LPP: variants seen among roughly 807,000 people sequenced by gnomAD.
The protein encoded by LPP is LIM domain containing preferred translocation partner in lipoma.
In LPP, 38 loss-of-function variants were observed where a neutral mutation model predicts 60.4. The ratio of observed to expected loss-of-function variants is 0.63; its 90% CI spans 0.49 to 0.83. LPP has a LOEUF of 0.83. LPP is among the 40% of genes least tolerant of loss of function. The pLI, the probability that LPP is intolerant of heterozygous loss-of-function variation, is 0.00. For synonymous variants in LPP, 328 were observed against 290.8 expected (o/e 1.13, Z -1.30); for missense variants, 902 against 783.6 (o/e 1.15, Z -1.80).
At chr3:188,720,871 A>C (rs1304785307) in intron 8 of LPP, among the ~76,000 whole-genome samples, 1 of 152,200 alleles carries the variant, frequency 6.6e-6, no homozygotes, top group Non-Finnish European at 1.5e-5. Context: ...GAGCAAACAG[A>C]AACAGTGTAC....
intron 7 of LPP, among the ~76,000 whole-genome samples, chr3:188,695,521 T>A (rs1045440118): frequency 6.6e-6 from 1 of 152,226 alleles, no homozygotes; most frequent in African/African-American, 2.4e-5. Flanking sequence ...CACTGTCAAA[T>A]ATTAGCACAT....
intron 2 of LPP, among the ~76,000 whole-genome samples, chr3:188,311,103 C>T (rs200767042): frequency 9.9e-4 from 150 of 151,876 alleles, no homozygotes; most frequent in African/African-American, 3.3e-3. Flanking sequence ...TCTGATATGC[C>T]GTATTAAGTT....
At chr3:188,601,573 C>T (rs1443491005) in intron 6 of LPP, among the ~76,000 whole-genome samples, 3 of 152,102 alleles carry the variant, frequency 2.0e-5, no homozygotes, top group East Asian at 1.9e-4. Flanking sequence ...ATTTCCTGTT[C>T]GGCTTTAGCA....
At chr3:188,265,295 G>GA (rs1735091021) in intron 2 of LPP, among the ~76,000 whole-genome samples, 1 of 152,136 alleles carries the variant, frequency 6.6e-6, no homozygotes, top group African/African-American at 2.4e-5. Context: ...TGTGCTTACT[G>GA]AAGGCCTGTA....
intron 2 of LPP, among the ~76,000 whole-genome samples, chr3:188,268,337 C>G (rs1174652300): frequency 6.6e-6 from 1 of 152,130 alleles, no homozygotes; most frequent in East Asian, 1.9e-4. Flanking sequence ...CCCCAAAAAC[C>G]TTAGACAAAT....
At chr3:188,461,687 C>A (rs968473023) in intron 4 of LPP, among the ~76,000 whole-genome samples, 1 of 152,086 alleles carries the variant, frequency 6.6e-6, no homozygotes, top group Non-Finnish European at 1.5e-5. Flanking sequence ...TTGTGGTTTT[C>A]GTTTTTTGAC....
chr3:188,601,807 G>C (rs1456897474), intron 6 of LPP, among the ~76,000 whole-genome samples: 2 of 152,044 alleles, frequency 1.3e-5, no homozygotes, highest in African/African-American at 4.8e-5. Flanking sequence ...GGTGGCTCAC[G>C]CCTGTAATCC....
intron 7 of LPP, among the ~76,000 whole-genome samples, chr3:188,622,896 C>T (rs944957840): frequency 2.0e-5 from 3 of 151,768 alleles, no homozygotes; most frequent in African/African-American, 4.8e-5. Context: ...GGCGTGGTGG[C>T]GCATGCCTGT....
In LPP at chr3:188,624,940, C is replaced by T. The variant is rs78032306; in HGVS notation, c.1113+15096C>T. 5.2e-3 allele frequency among the ~76,000 whole-genome samples: 792 copies of T among 151,950 alleles called. 1 individual carries two copies. The highest frequency in any genetic ancestry group is 0.01 in the Middle Eastern group (3 of 294). ...TCCCTTCCTTCCTTCTTTCCTTCTT[C>T]CTTTTTTTTCTTTTTTAACCACATG... On this transcript the variant is annotated intron_variant, in intron 7 of 11. Transcript: ENST00000617246.
intron 4 of LPP, among the ~76,000 whole-genome samples, chr3:188,443,461 T>C (rs1190738898): frequency 2.0e-5 from 3 of 152,212 alleles, no homozygotes; most frequent in African/African-American, 7.2e-5. Flanking sequence ...CCAATAGAGA[T>C]GGAAAGTATT....
chr3:188,728,766 C>T (rs1320619909), intron 8 of LPP, among the ~76,000 whole-genome samples: 2 of 151,792 alleles, frequency 1.3e-5, no homozygotes, highest in Admixed American at 6.6e-5. Context: ...CTACTAATGA[C>T]ACAGTAGATT....
At chr3:188,190,301 C>T (rs1193310679) in intron 1 of LPP, among the ~76,000 whole-genome samples, 4 of 152,002 alleles carry the variant, frequency 2.6e-5, no homozygotes, top group South Asian at 2.1e-4. Context: ...TCATGTGATC[C>T]GCCCGCCTCG....
chr3:188,269,199 G>A (rs1411433363), intron 2 of LPP, among the ~76,000 whole-genome samples: 1 of 152,186 alleles, frequency 6.6e-6, no homozygotes, highest in Non-Finnish European at 1.5e-5. Context: ...CCTGGAGATC[G>A]TAATATCTTT....
At chr3:188,494,714 G>C (rs544961334) in intron 5 of LPP, among the ~76,000 whole-genome samples, 51 of 151,912 alleles carry the variant, frequency 3.4e-4, no homozygotes, top group Non-Finnish European at 6.2e-4. Flanking sequence ...AGCATAATGC[G>C]ATGGTTAACA....
At chr3:188,734,910 G>T (rs369388136) in intron 8 of LPP, among the ~76,000 whole-genome samples, 2 of 152,198 alleles carry the variant, frequency 1.3e-5, no homozygotes, top group African/African-American at 2.4e-5. Flanking sequence ...GAGACACTCG[G>T]TGTCACCCCA....
intron 7 of LPP, among the ~76,000 whole-genome samples, chr3:188,689,502 T>A (rs1861622375): frequency 6.6e-6 from 1 of 152,200 alleles, no homozygotes; most frequent in Non-Finnish European, 1.5e-5. Flanking sequence ...ACTATTCTAC[T>A]CTCTACTTCC....
At chr3:188,813,862 A>C (rs574292860) in intron 9 of LPP, among the ~76,000 whole-genome samples, 2 of 152,216 alleles carry the variant, frequency 1.3e-5, no homozygotes, top group East Asian at 3.9e-4. Flanking sequence ...CTGAGGTCAG[A>C]AGTTTGAGAC....
chr3:188,367,550 T>G (rs966208752), intron 3 of LPP, among the ~76,000 whole-genome samples: 5 of 152,230 alleles, frequency 3.3e-5, no homozygotes, highest in Non-Finnish European at 7.3e-5. Flanking sequence ...TAGAGTTAAA[T>G]GTACAAGTTC....
chr3:188,463,359 TAA>T (rs10541444), intron 4 of LPP, among the ~76,000 whole-genome samples: 24,487 of 147,642 alleles, frequency 0.17, 2,227 homozygotes, highest in East Asian at 0.27. Flanking sequence ...CTGACTAATT[TAA>T]AAAAAAAAAA....
Sources: allele counts gnomAD v4.1 joint callset (sites outside exome capture counted in the v4.1 genomes callset), GRCh38; gene constraint gnomAD v4.1.1; transcripts MANE v1.5; gene names NCBI Gene and HGNC (gene_info 2026-07-23, HGNC 2026-07-21).